PLLP: variants seen among roughly 807,000 people sequenced by gnomAD.
The protein encoded by PLLP is plasmolipin, also known as plasma membrane proteolipid (plasmolipin).
PLLP carries 15 observed loss-of-function variants against 19.7 expected under a neutral mutation model. The ratio of observed to expected loss-of-function variants is 0.76; its 90% CI spans 0.51 to 1.17. PLLP has a LOEUF of 1.17. PLLP is among the 50% of genes most tolerant of loss of function. The pLI, the probability that PLLP is intolerant of heterozygous loss-of-function variation, is 0.00. For synonymous variants in PLLP, 111 were observed against 116.3 expected (o/e 0.95, Z 0.29); for missense variants, 255 against 258.3 (o/e 0.99, Z 0.09).
intron 1 of PLLP, among the ~76,000 whole-genome samples, chr16:57,271,445 A>G (rs1443665755): frequency 2.0e-5 from 3 of 152,030 alleles, no homozygotes; most frequent in African/African-American, 7.2e-5. Flanking sequence ...GGCGTTCCAG[A>G]CCAGCTTGGC....
chr16:57,263,762 G>A (rs1292959205), intron 1 of PLLP, among the ~76,000 whole-genome samples: 8 of 151,396 alleles, frequency 5.3e-5, no homozygotes, highest in African/African-American at 1.9e-4. Context: ...GCTCTGGAGA[G>A]CGCCTTCTCC....
chr16:57,265,881 G>A (rs1385446322), intron 1 of PLLP, among the ~76,000 whole-genome samples: 3 of 152,138 alleles, frequency 2.0e-5, no homozygotes, highest in Non-Finnish European at 4.4e-5. Flanking sequence ...ATAACATTTA[G>A]CTGGGCATAG....
At chr16:57,263,910 G>C (rs568172610) in intron 1 of PLLP, among the ~76,000 whole-genome samples, 121 of 152,314 alleles carry the variant, frequency 7.9e-4, no homozygotes, top group African/African-American at 2.7e-3. Flanking sequence ...TGGCACCAAG[G>C]CTGCGTAGTG....
rs576066643 is a variant in PLLP, at chr16:57,276,456, G to A, written c.135+7950C>T. 3.3e-3 allele frequency among the ~76,000 whole-genome samples: 497 copies of A among 152,178 alleles called. 1 individual carries two copies. The highest frequency in any genetic ancestry group is 5.8e-3 in the Admixed American group (88 of 15,286). ...AAAATACAAAAATTAGCCGGGCTTG[G>A]TGGTGGGCGCCTGTAATCCCAGCTA... On this transcript the variant is annotated intron_variant, in intron 1 of 3. Transcript: ENST00000219207.
rs1901177228 is a variant in PLLP, at chr16:57,278,227, C to T, written c.135+6179G>A. 7.2e-5 allele frequency among the ~76,000 whole-genome samples: 11 copies of T among 152,202 alleles called. No homozygotes were observed. The South Asian group carries it at 2.1e-3, about 29-fold the overall frequency. Reference sequence around the variant, plus strand: ...TAGTGGCAGGCACCTGTAGTCCCAGCTATTCGGGAGGCTGAGGCAGGAGAA... The same window carrying T: ...TAGTGGCAGGCACCTGTAGTCCCAGTTATTCGGGAGGCTGAGGCAGGAGAA... On this transcript the variant is annotated intron_variant, in intron 1 of 3. Transcript: ENST00000219207.
chr16:57,284,475 C>G lies in PLLP; in HGVS notation c.66G>C (p.Ser22=), dbSNP rs1177353585. 4 of 1,435,956 alleles carry G rather than the reference C, an allele frequency of 2.8e-6. No individual in the cohort carries two copies. The highest frequency in any genetic ancestry group is 3.7e-6 in the Non-Finnish European group (4 of 1,090,486). The allele number at this position is 1,435,956 out of a possible 1,614,324, so 89.0% of individuals were successfully genotyped here. Residue 22 remains serine (S), a synonymous_variant, in exon 1 of 4, where the codon TCG becomes TCC. Transcript: ENST00000219207. The part of the protein sequence containing the change: ...TSSPAQGAEA[S]VSALRPDLGF... ...CCAGGTCCGGGCGCAGCGCCGACAC[C>G]GAGGCTTCGGCGCCCTGCGCAGGAC...
intron 3 of PLLP, among the ~76,000 whole-genome samples, chr16:57,257,715 G>A (rs2075430199): frequency 1.3e-5 from 2 of 152,218 alleles, no homozygotes; most frequent in Non-Finnish European, 2.9e-5. Flanking sequence ...GCCACCTGAC[G>A]TGGGCCCAGA....
Position 57,284,469 on chromosome 16 carries a change from C to G in PLLP, c.72G>C (p.Ser24=), listed in dbSNP as rs1416661770. ...CGAAGCCCAGGTCCGGGCGCAGCGC[C>G]GACACCGAGGCTTCGGCGCCCTGCG... ...SPAQGAEASV[S]ALRPDLGFVR... Residue 24 remains serine, a synonymous_variant, in exon 1 of 4, where the codon TCG becomes TCC. Transcript: ENST00000219207. 1 of 1,429,304 alleles carries G rather than the reference C, an allele frequency of 7.0e-7. No homozygotes were observed. The highest frequency in any genetic ancestry group is 1.5e-5 in the African/African-American group (1 of 67,764). 88.5% of individuals were successfully genotyped at this position (1,429,304 alleles called of 1,614,324 possible).
intron 1 of PLLP, among the ~76,000 whole-genome samples, chr16:57,267,875 C>CA (rs71152241): frequency 0.18 from 11,442 of 65,292 alleles, 699 homozygotes; most frequent in South Asian, 0.42. Flanking sequence ...AACTCCGTCT[C>CA]AAAAAAAAAA....
rs1462806059 is a variant in PLLP at position 57,262,124 on chromosome 16, C to A, written c.136-54G>T. 34 of 1,567,100 alleles carry A rather than the reference C, an allele frequency of 2.2e-5. No homozygotes were observed. The East Asian group carries it at 6.5e-4, about 30-fold the overall frequency. ...CCAGAGATGCGGTTTCATTTCTTAT[C>A]TAGCTAAGAAATACTGGCCAGGCAC... On this transcript the variant is annotated intron_variant, in intron 1 of 3. Coordinates refer to ENST00000219207, the MANE Select transcript of PLLP (RefSeq NM_015993.3).
intron 1 of PLLP, among the ~76,000 whole-genome samples, chr16:57,278,508 G>A (rs1281048256): frequency 1.3e-5 from 2 of 152,128 alleles, no homozygotes; most frequent in Admixed American, 1.3e-4. Context: ...AATCTGTACA[G>A]GTTTTTTTAT....
intron 1 of PLLP, among the ~76,000 whole-genome samples, chr16:57,280,012 T>A (rs551697981): frequency 6.6e-6 from 1 of 152,384 alleles, no homozygotes; most frequent in East Asian, 1.9e-4. Context: ...GGACGCCTAC[T>A]GACTGACAGG....
chr16:57,260,693 A>G (rs550051683), intron 2 of PLLP, among the ~76,000 whole-genome samples: 14 of 149,916 alleles, frequency 9.3e-5, no homozygotes, highest in African/African-American at 2.4e-4. Flanking sequence ...GGGTCAGAGG[A>G]AAAAAAAAAC....
Position 57,262,018 on chromosome 16 carries a change from T to C in PLLP, c.188A>G (p.Tyr63Cys), listed in dbSNP as rs1267451644. The change falls in exon 2 of 4, where the codon TAT becomes TGT. Residue 63 changes from tyrosine (Y) to cysteine (C), a missense_variant. Tyr to Cys is a radical substitution (Grantham distance 194). Transcript: ENST00000219207. The part of the protein sequence containing the change: ...ALIADTPYHL[Y>C]PAYGWVMFVA... ...GAACATCACCCAGCCATAGGCCGGATACAGGTGGTACGGGGTGTCCGCAAT... is the reference window on the plus strand; with the variant it reads ...GAACATCACCCAGCCATAGGCCGGACACAGGTGGTACGGGGTGTCCGCAAT... 2 of 1,614,180 alleles carry C rather than the reference T, an allele frequency of 1.2e-6. No individual in the cohort carries two copies. The highest frequency in any genetic ancestry group is 1.1e-5 in the South Asian group (1 of 91,076).
intron 1 of PLLP, among the ~76,000 whole-genome samples, chr16:57,274,970 C>T (rs1192498870): frequency 6.6e-6 from 1 of 151,672 alleles, no homozygotes; most frequent in Admixed American, 6.6e-5. Context: ...ACCGTGTTAG[C>T]CAGGATGGTC....
At chr16:57,259,076 C>G (rs534779809) in intron 2 of PLLP, among the ~76,000 whole-genome samples, 3 of 152,270 alleles carry the variant, frequency 2.0e-5, no homozygotes, top group African/African-American at 7.2e-5. Flanking sequence ...TCCAGGGAGT[C>G]AGCCCATGAG....
At chr16:57,266,865 T>C (rs80221373) in intron 1 of PLLP, among the ~76,000 whole-genome samples, 4 of 102,178 alleles carry the variant, frequency 3.9e-5, no homozygotes, top group Non-Finnish European at 7.3e-5. Flanking sequence ...CACAGGGCCT[T>C]TTTTTTTTTT....
At position 57,277,698 on chromosome 16, in the gene PLLP, C is replaced by A. The variant is rs4275845; in HGVS notation, c.135+6708G>T. Among the ~76,000 whole-genome samples the A allele has an allele frequency of 8.2e-3, 1,252 of 152,206 alleles. 25 individuals carry two copies. Among genetic ancestry groups the A allele is most frequent in the African/African-American group, 0.029 (1,195 of 41,490 alleles). ...ACAGAATATCCCTAGGTGTATTGCC[C>A]TGGGGAAAAGCATGGCTTGGCACAT... On this transcript the variant is annotated intron_variant, in intron 1 of 3. Transcript: ENST00000219207.
At chr16:57,278,752 G>A (rs139946008) in intron 1 of PLLP, among the ~76,000 whole-genome samples, 92 of 152,236 alleles carry the variant, frequency 6.0e-4, no homozygotes, top group African/African-American at 1.7e-3. Context: ...GGGAAGCCCC[G>A]GGAGTCTCAG....
Sources: gnomAD v4.1 joint callset for allele counts (sites outside exome capture counted in the v4.1 genomes callset) on GRCh38, gnomAD v4.1.1 for gene constraint, MANE v1.5 for transcripts, NCBI Gene and HGNC (gene_info 2026-07-23, HGNC 2026-07-21) for gene names.